SUFU: variants seen among roughly 807,000 people sequenced by gnomAD.
The protein encoded by SUFU is SUFU negative regulator of hedgehog signaling.
Under a neutral mutation model 58.9 loss-of-function variants are expected in SUFU, and 7 were observed. That is an observed-to-expected ratio of 0.12 (90% confidence interval 0.07 to 0.22). The LOEUF is 0.22. SUFU is among the 10% of genes least tolerant of loss of function. The pLI is 1.00. For missense variants in SUFU, 451 were observed against 641.3 expected (o/e 0.70, Z 3.20); for synonymous variants, 232 against 254.8 (o/e 0.91, Z 0.85).
intron 3 of SUFU, among the ~76,000 whole-genome samples, chr10:102,574,094 A>G (rs1333892031): frequency 6.6e-6 from 1 of 152,218 alleles, no homozygotes; most frequent in African/African-American, 2.4e-5. Context: ...GAAGCAAGTT[A>G]TAGGTCTCGC....
chr10:102,516,930 C>T (rs2062477926), intron 2 of SUFU, among the ~76,000 whole-genome samples: 1 of 149,178 alleles, frequency 6.7e-6, no homozygotes, highest in Non-Finnish European at 1.5e-5. Flanking sequence ...TCGAGACCAG[C>T]CTGGCCAACA....
At chr10:102,502,853 G>T, upstream of SUFU, 1 of 597,612 alleles carries the variant, frequency 1.7e-6, no homozygotes, top group South Asian at 2.0e-5. Context: ...TTAAGATTGG[G>T]AGTCGCATTT....
chr10:102,523,892 G>A (rs538118866), intron 2 of SUFU, among the ~76,000 whole-genome samples: 3 of 152,196 alleles, frequency 2.0e-5, no homozygotes, highest in South Asian at 2.1e-4. Flanking sequence ...TACTTCAATC[G>A]GCCTTCTCTC....
chr10:102,612,764 CT>C (rs1275221484), intron 8 of SUFU, among the ~76,000 whole-genome samples: 5 of 152,200 alleles, frequency 3.3e-5, no homozygotes, highest in Non-Finnish European at 7.4e-5. Context: ...GAGTCACCCC[CT>C]GGTCCTTTCG....
chr10:102,535,971 T>TGATGA (rs1564670044), intron 2 of SUFU, among the ~76,000 whole-genome samples: 17 of 118,060 alleles, frequency 1.4e-4, no homozygotes, highest in African/African-American at 2.6e-4. Context: ...GATGATGATG[T>TGATGA]TGTTGATGAT....
rs59259635 is a variant in SUFU, at chr10:102,618,931, CGTGTGTGTGT to C, written c.1296+1542_1296+1551del. ...ATCATTCCCAAGTGTCCTCAGGTAG[CGTGTGTGTGT>C]GTGTGTGTGTGTGTGTGTGTGTGTG... On this transcript the variant is annotated intron_variant, in intron 10 of 11. Transcript: ENST00000369902. The C allele has an allele frequency of 6.7e-3, 3,865 of 574,672 alleles. 1 individual carries two copies. The highest frequency in any genetic ancestry group is 8.8e-3 in the African/African-American group (366 of 41,656). The allele number at this position is 574,672 out of a possible 1,614,324, so 35.6% of individuals were successfully genotyped here.
intron 2 of SUFU, among the ~76,000 whole-genome samples, chr10:102,525,049 G>GT (rs2062594574): frequency 6.6e-6 from 1 of 152,204 alleles, no homozygotes; most frequent in African/African-American, 2.4e-5. Flanking sequence ...GAACCCTTCT[G>GT]TGGGAGGAGG....
intron 3 of SUFU, among the ~76,000 whole-genome samples, chr10:102,577,902 C>G (rs1350365469): frequency 6.9e-6 from 1 of 145,164 alleles, no homozygotes; most frequent in Non-Finnish European, 1.5e-5. Context: ...AGGATGGTCT[C>G]CATCTCCTGA....
At chr10:102,526,468 G>A (rs959300972) in intron 2 of SUFU, among the ~76,000 whole-genome samples, 1 of 151,926 alleles carries the variant, frequency 6.6e-6, no homozygotes, top group Non-Finnish European at 1.5e-5. Context: ...TGGGAGGATC[G>A]CTTGAGCCCA....
intron 3 of SUFU, among the ~76,000 whole-genome samples, chr10:102,552,675 A>G (rs926284227): frequency 2.0e-5 from 3 of 152,230 alleles, no homozygotes; most frequent in African/African-American, 4.8e-5. Context: ...TTATGGTATT[A>G]TGGTTATACA....
intron 2 of SUFU, 139 bp downstream of exon 2, chr10:102,509,442 C>T: frequency 8.0e-7 from 1 of 1,248,204 alleles, no homozygotes; most frequent in Non-Finnish European, 1.2e-6. Flanking sequence ...TATATCTACT[C>T]ATGCCAAGGT....
chr10:102,527,790 T>C (rs2062628733), intron 2 of SUFU, among the ~76,000 whole-genome samples: 1 of 152,118 alleles, frequency 6.6e-6, no homozygotes, highest in Non-Finnish European at 1.5e-5. Flanking sequence ...CATTGCCCTG[T>C]TTAGGTTTCT....
intron 3 of SUFU, among the ~76,000 whole-genome samples, chr10:102,550,473 G>A (rs186051600): frequency 2.0e-5 from 3 of 152,256 alleles, no homozygotes; most frequent in East Asian, 3.9e-4. Flanking sequence ...GTTTTTGTAA[G>A]TAGCCTTCAA....
At position 102,632,927 on chromosome 10, in the gene SUFU, G is replaced by C. The variant is rs2063850015; in HGVS notation, c.*2772G>C. ...CTTGTGCGAGGTCTCAGGCCTGTGTGGGGAGCTGGTGCCTCTTCCTGCCCG... is the reference window on the plus strand; with the variant it reads ...CTTGTGCGAGGTCTCAGGCCTGTGTCGGGAGCTGGTGCCTCTTCCTGCCCG... On this transcript the variant is annotated 3_prime_UTR_variant, in exon 12 of 12. Coordinates refer to ENST00000369902, the MANE Select transcript of SUFU (RefSeq NM_016169.4). The C allele has an allele frequency of 8.6e-6, 2 of 233,622 alleles. No homozygotes were observed. The highest frequency in any genetic ancestry group is 3.6e-4 in the South Asian group (2 of 5,534). The allele number at this position is 233,622 out of a possible 1,614,324, so 14.5% of individuals were successfully genotyped here. A position where few individuals can be genotyped will look rare whatever the true frequency, so the allele number is the denominator to read the frequency against.
chr10:102,513,082 G>T (rs915178649), intron 2 of SUFU, among the ~76,000 whole-genome samples: 12 of 151,818 alleles, frequency 7.9e-5, no homozygotes, highest in Non-Finnish European at 1.0e-4. Flanking sequence ...AATAAATAAA[G>T]AAAGAAAAAT....
Position 102,593,702 on chromosome 10 carries a change from C to T in SUFU, c.664C>T (p.Leu222=), listed in dbSNP as rs765345575. 5 of 1,614,208 alleles carry T rather than the reference C, an allele frequency of 3.1e-6. No homozygotes were observed. The East Asian group carries it at 6.7e-5, about 22-fold the overall frequency. The part of the protein sequence containing the change: ...QQWNGQGILE[L]LRTVPIAGGP... Reference sequence around the variant, plus strand: ...GTGGAACGGGCAGGGCATCCTGGAGCTGCTGCGGACAGTGCCTATGTGAGT... The same window carrying T: ...GTGGAACGGGCAGGGCATCCTGGAGTTGCTGCGGACAGTGCCTATGTGAGT... Residue 222 remains leucine, a synonymous_variant, in exon 5 of 12, where the codon CTG becomes TTG. Transcript: ENST00000369902.
Position 102,503,983 on chromosome 10 carries a change from C to T in SUFU, c.-170C>T, listed in dbSNP as rs1042170901. ...AGGCACCCTCTGGCAGACTCGGCGG[C>T]GGCGACAGCCTGGGCGGACAGTGCG... On this transcript the variant is annotated 5_prime_UTR_variant, in exon 1 of 12. Coordinates refer to ENST00000369902, the MANE Select transcript of SUFU (RefSeq NM_016169.4). 7.1e-6 allele frequency: 7 copies of T among 980,388 alleles called. No homozygotes were observed. The Admixed American group carries it at 1.6e-4, about 23-fold the overall frequency. 60.7% of individuals were successfully genotyped at this position (980,388 alleles called of 1,614,324 possible).
chr10:102,518,714 T>A (rs552240475), intron 2 of SUFU, among the ~76,000 whole-genome samples: 1 of 152,140 alleles, frequency 6.6e-6, no homozygotes, highest in South Asian at 2.1e-4. Context: ...GCCTGGCTAA[T>A]TTTTATACTT....
rs202201333 is a variant in SUFU at position 102,542,444 on chromosome 10, A to G, written c.318-7526A>G. Among the ~76,000 whole-genome samples, 3 of 122,450 alleles carry G rather than the reference A, an allele frequency of 2.4e-5. No individual in the cohort carries two copies. In the Admixed American group the frequency reaches 2.6e-4, roughly 10 times the overall value. 80.3% of individuals were successfully genotyped at this position (122,450 alleles called of 152,430 possible). A position where few individuals can be genotyped will look rare whatever the true frequency, so the allele number is the denominator to read the frequency against. Reference sequence around the variant, plus strand: ...CTGCGCCCGGCCTATATATATATATATTTTTTTTTAAGTAGAGATGGGGTT... The same window carrying G: ...CTGCGCCCGGCCTATATATATATATGTTTTTTTTTAAGTAGAGATGGGGTT... On this transcript the variant is annotated intron_variant, in intron 2 of 11. Transcript: ENST00000369902.
Sources: allele counts gnomAD v4.1 joint callset (sites outside exome capture counted in the v4.1 genomes callset), GRCh38; gene constraint gnomAD v4.1.1; transcripts MANE v1.5; gene names NCBI Gene and HGNC (gene_info 2026-07-23, HGNC 2026-07-21).